C4orf50: variants seen among roughly 807,000 people sequenced by gnomAD.
C4orf50 encodes the protein chromosome 4 open reading frame 50, also known as uncharacterized protein C4orf50.
A neutral mutation model predicts 77.2 loss-of-function variants in C4orf50; 80 were observed. The observed-to-expected ratio is 1.04, with a 90% CI of 0.87 to 1.25. C4orf50 has a LOEUF of 1.25. Among genes scored for constraint, C4orf50 ranks in the 50% most tolerant of loss-of-function variants. The probability of loss-of-function intolerance (pLI) is 0.00; values close to 1 mark genes in which losing one functional copy is unlikely to be tolerated. For missense variants in C4orf50, 1,257 were observed against 1,152.9 expected (o/e 1.09, Z -1.31); for synonymous variants, 532 against 465.3 (o/e 1.14, Z -1.84).
At chr4:5,953,328 C>A (rs533668043), downstream of C4orf50, among the ~76,000 whole-genome samples, 4 of 152,132 alleles carry the variant, frequency 2.6e-5, no homozygotes, top group South Asian at 2.1e-4. Flanking sequence ...AGTAATATTG[C>A]GGCTACAGTT....
chr4:6,003,551 T>G (rs1324584383), intron 25 of C4orf50, among the ~76,000 whole-genome samples: 11 of 147,268 alleles, frequency 7.5e-5, no homozygotes, highest in Non-Finnish European at 1.1e-4. Flanking sequence ...ATGGTGACTG[T>G]GATGGTGATG....
intron 7 of C4orf50, among the ~76,000 whole-genome samples, chr4:5,945,449 A>G (rs547347324): frequency 1.4e-4 from 22 of 152,088 alleles, no homozygotes; most frequent in Non-Finnish European, 2.5e-4. Flanking sequence ...CACCCGGGAG[A>G]GGGGAAACCT....
At chr4:5,994,753 C>T (rs747021165) in intron 25 of C4orf50, among the ~76,000 whole-genome samples, 15 of 152,150 alleles carry the variant, frequency 9.9e-5, no homozygotes, top group Non-Finnish European at 1.9e-4. Flanking sequence ...GTCTGTCCAG[C>T]CAAGAAGCAC....
chr4:5,970,174 C>A lies in C4orf50; in HGVS notation c.4105-2712G>T, dbSNP rs1447150881. Among the ~76,000 whole-genome samples the A allele has an allele frequency of 6.6e-6, 1 of 150,686 alleles. No homozygotes were observed. The highest frequency in any genetic ancestry group is 2.4e-5 in the African/African-American group (1 of 40,932). ...AAAAAAAAAAAAAGGCCCACTGGGGCTAGGGGTCGGGGGGCATAGAGAGGA... is the reference window on the plus strand; with the variant it reads ...AAAAAAAAAAAAAGGCCCACTGGGGATAGGGGTCGGGGGGCATAGAGAGGA... On this transcript the variant is annotated intron_variant, in intron 31 of 33. Coordinates refer to ENST00000531445, the Ensembl canonical transcript of C4orf50. This position sits in a 1 kb window ranked among gnomAD's most constrained non-coding sequence, Gnocchi z 4.3.
In C4orf50 at chr4:5,992,883, G is replaced by A. The variant is rs113061530; in HGVS notation, c.1141C>T (p.Arg381Trp). The change falls in exon 27 of 34, where the codon CGG (arginine) becomes TGG (tryptophan). Residue 381 changes from arginine to tryptophan, a missense_variant. Transcript: ENST00000531445. The surrounding 1 kb of genome is among the most constrained non-coding windows in gnomAD (Gnocchi z 5.0). ...CCTGGAGCCAAAACAGAAGAGGCCC[G>A]TCCAGGCCTGATGCGGCTCCAGGTG... The A allele has an allele frequency of 1.0e-4, 40 of 399,146 alleles. 1 individual carries two copies. Among genetic ancestry groups the A allele is most frequent in the Admixed American group, 3.5e-4 (8 of 22,740 alleles). The allele number at this position is 399,146 out of a possible 1,614,324, so 24.7% of individuals were successfully genotyped here. A position where few individuals can be genotyped will look rare whatever the true frequency, so the allele number is the denominator to read the frequency against.
chr4:6,014,066 G>C (rs989716828), intron 23 of C4orf50, among the ~76,000 whole-genome samples: 1 of 151,380 alleles, frequency 6.6e-6, no homozygotes, highest in East Asian at 2.0e-4. Context: ...GCAATGGCGT[G>C]ATCTCGGCTC....
At chr4:5,990,868 TCCATTTAGCACCCCCA>T in intron 27 of C4orf50, 44 bp from the exon 6 acceptor site, 1 of 399,016 alleles carries the variant, frequency 2.5e-6, no homozygotes. Context: ...AGCCCCTTCC[TCCATTTAGCACCCCCA>T]CCTCCACTCA....
In C4orf50 at chr4:6,011,511, T is replaced by A. The variant is rs1055739484; in HGVS notation, c.426+319A>T. On this transcript the variant is annotated intron_variant, in intron 24 of 33. Coordinates refer to ENST00000531445, the Ensembl canonical transcript of C4orf50. The surrounding 1 kb of genome is among the most constrained non-coding windows in gnomAD (Gnocchi z 4.2). ...CGGGTTTAGAGTTATTTGTTTCTTA[T>A]CAGTCTCCCCCATCTGCATAAGAGC... 6.6e-6 allele frequency among the ~76,000 whole-genome samples: 1 copy of A among 152,018 alleles called. No individual in the cohort carries two copies. The highest frequency in any genetic ancestry group is 2.4e-5 in the African/African-American group (1 of 41,386).
chr4:5,982,024 A>G (rs7672438), intron 28 of C4orf50, among the ~76,000 whole-genome samples: 98,277 of 151,926 alleles, frequency 0.65, 33,006 homozygotes, highest in East Asian at 0.91. Context: ...GGCATCTCTC[A>G]TAATAAAATA....
At chr4:5,946,395 TTCC>T (rs1718483720) in intron 7 of C4orf50, among the ~76,000 whole-genome samples, 1 of 152,180 alleles carries the variant, frequency 6.6e-6, no homozygotes, top group African/African-American at 2.4e-5. Context: ...AAAGTAAAAG[TTCC>T]TCTTCAAAGT....
In C4orf50 at chr4:6,017,244, C is replaced by T. The variant is rs755988663; in HGVS notation, c.287+901G>A. Among the ~76,000 whole-genome samples, 2 of 152,184 alleles carry T rather than the reference C, an allele frequency of 1.3e-5. No individual in the cohort carries two copies. Among genetic ancestry groups the T allele is most frequent in the African/African-American group, 2.4e-5 (1 of 41,440 alleles). On this transcript the variant is annotated intron_variant, in intron 23 of 33. Coordinates refer to ENST00000531445, the Ensembl canonical transcript of C4orf50. The surrounding 1 kb of genome is among the most constrained non-coding windows in gnomAD (Gnocchi z 4.7). ...ACAGGCAGCCTGGATTAGCAACTGC[C>T]GGAAGCCACTTCTGCCCCTGGGGCT...
intron 7 of C4orf50, among the ~76,000 whole-genome samples, chr4:5,912,991 G>A (rs541284281): frequency 1.3e-5 from 2 of 152,346 alleles, no homozygotes; most frequent in East Asian, 3.9e-4. Context: ...GCTCACAGGG[G>A]AGTCATTTCC....
At chr4:5,999,198 A>G (rs1197949105) in intron 25 of C4orf50, among the ~76,000 whole-genome samples, 1 of 152,194 alleles carries the variant, frequency 6.6e-6, no homozygotes, top group East Asian at 1.9e-4. Context: ...AGTTCACACC[A>G]TGGCTCCCAG....
In C4orf50 at chr4:5,958,495, G is replaced by A. The variant is rs1262696917; in HGVS notation, c.*880C>T. ...ACTGCCCAGCCATTCCTTTGTGGCT[G>A]ACTTCCAGTTGTCCCAAGCCAAGTA... is the stretch of plus-strand genomic sequence containing the variant. On this transcript the variant is annotated 3_prime_UTR_variant, in exon 34 of 34. Transcript: ENST00000531445. This position sits in a 1 kb window ranked among gnomAD's most constrained non-coding sequence, Gnocchi z 5.4. 1 of 152,210 alleles carries A rather than the reference G, an allele frequency of 6.6e-6. No homozygotes were observed. The allele number at this position is 152,210 out of a possible 1,614,324, so 9.4% of individuals were successfully genotyped here. A position where few individuals can be genotyped will look rare whatever the true frequency, so the allele number is the denominator to read the frequency against.
intron 7 of C4orf50, among the ~76,000 whole-genome samples, chr4:5,933,075 G>A (rs1050140800): frequency 3.9e-5 from 6 of 152,116 alleles, no homozygotes; most frequent in Non-Finnish European, 7.3e-5. Context: ...AGCCCTGGAC[G>A]GGAGCCTGGT....
At chr4:5,913,301 C>G (rs547730178) in intron 7 of C4orf50, among the ~76,000 whole-genome samples, 3 of 152,164 alleles carry the variant, frequency 2.0e-5, no homozygotes, top group Non-Finnish European at 4.4e-5. Flanking sequence ...AAACTCCAGA[C>G]CATAGCTCCT....
chr4:5,939,053 C>T (rs1718155942), intron 7 of C4orf50, among the ~76,000 whole-genome samples: 2 of 152,080 alleles, frequency 1.3e-5, no homozygotes, highest in South Asian at 2.1e-4. Context: ...ACCAGCCTGG[C>T]CAACATGGTG....
intron 7 of C4orf50, among the ~76,000 whole-genome samples, chr4:5,930,040 T>C (rs947479371): frequency 1.3e-5 from 2 of 152,204 alleles, no homozygotes; most frequent in East Asian, 3.8e-4. Flanking sequence ...ACGCAGGTGA[T>C]ACTTCTAGGC....
chr4:5,915,167 C>T (rs891197126), intron 7 of C4orf50, among the ~76,000 whole-genome samples: 1 of 152,162 alleles, frequency 6.6e-6, no homozygotes, highest in Non-Finnish European at 1.5e-5. Flanking sequence ...TTCTGAAATA[C>T]CCCCTTCCTG....
Sources: gnomAD v4.1 joint callset for allele counts (sites outside exome capture counted in the v4.1 genomes callset) on GRCh38, gnomAD v4.1.1 for gene constraint, Gnocchi (gnomAD v3.1) non-coding constraint, MANE v1.5 for transcripts, NCBI Gene and HGNC (gene_info 2026-07-23, HGNC 2026-07-21) for gene names.